Variants in ARHGEF28 observed in about 807,000 individuals in gnomAD.
ARHGEF28 encodes the protein Rho guanine nucleotide exchange factor 28.
A neutral mutation model predicts 206.6 loss-of-function variants in ARHGEF28; 152 were observed. That is an observed-to-expected ratio of 0.74 (90% CI 0.64 to 0.84). The LOEUF is 0.84. ARHGEF28 is among the 40% of genes least tolerant of loss of function. The pLI is 0.00. For synonymous variants in ARHGEF28, 763 were observed against 776.4 expected, an observed-to-expected ratio of 0.98 and a Z score of 0.29; for missense variants, 2,028 against 2,073.2, an observed-to-expected ratio of 0.98 and a Z score of 0.42.
intron 4 of ARHGEF28, among the ~76,000 whole-genome samples, chr5:73,757,541 T>C (rs1484882174): frequency 1.3e-5 from 2 of 152,178 alleles, no homozygotes; most frequent in East Asian, 3.8e-4. Context: ...CATTGAGAGT[T>C]ATTAGGAAGG....
intron 33 of ARHGEF28, chr5:73,908,538 G>A (rs1025342151): frequency 6.6e-6 from 1 of 152,050 alleles, no homozygotes; most frequent in South Asian, 2.1e-4. Flanking sequence ...AGCTTCCAAG[G>A]GCATTCACAG....
At chr5:73,769,336 G>A (rs1303415534) in intron 4 of ARHGEF28, among the ~76,000 whole-genome samples, 1 of 152,010 alleles carries the variant, frequency 6.6e-6, no homozygotes, top group East Asian at 1.9e-4. Flanking sequence ...TTCCTAACAG[G>A]TATTGTGCTG....
chr5:73,901,404 T>C, intron 31 of ARHGEF28, 120 bp downstream of exon 31: 1 of 708,166 alleles, frequency 1.4e-6, no homozygotes, highest in Admixed American at 2.8e-5. Context: ...TTGTTCTCAA[T>C]TGATTTAAAT....
intron 4 of ARHGEF28, among the ~76,000 whole-genome samples, chr5:73,761,459 G>A (rs1166408052): frequency 2.6e-5 from 4 of 152,144 alleles, no homozygotes; most frequent in African/African-American, 9.7e-5. Context: ...GGGGAGGAGA[G>A]TGAGGCAGGG....
intron 35 of ARHGEF28, among the ~76,000 whole-genome samples, chr5:73,936,656 C>T (rs1035680764): frequency 4.6e-5 from 7 of 152,208 alleles, no homozygotes; most frequent in African/African-American, 1.7e-4. Context: ...CCTGAGATTA[C>T]ATTTTACCTT....
chr5:73,888,540 A>G (rs911079437), intron 26 of ARHGEF28, among the ~76,000 whole-genome samples: 1 of 152,216 alleles, frequency 6.6e-6, no homozygotes, highest in African/African-American at 2.4e-5. Context: ...ACAGGAAACA[A>G]ATTCACATCT....
At chr5:73,720,972 T>C (rs1310575195) in intron 2 of ARHGEF28, among the ~76,000 whole-genome samples, 1 of 152,234 alleles carries the variant, frequency 6.6e-6, no homozygotes. Flanking sequence ...TCAAATTTCT[T>C]CATAGCAAAA....
At chr5:73,645,806 T>C (rs1224745236) in intron 1 of ARHGEF28, among the ~76,000 whole-genome samples, 2 of 152,174 alleles carry the variant, frequency 1.3e-5, no homozygotes, top group African/African-American at 4.8e-5. Flanking sequence ...CTGGAGAGTT[T>C]CAGCAGTGTC....
intron 2 of ARHGEF28, among the ~76,000 whole-genome samples, chr5:73,714,435 T>C (rs560757479): frequency 1.3e-5 from 2 of 152,280 alleles, no homozygotes; most frequent in East Asian, 3.9e-4. Context: ...CACTAAAGAA[T>C]ATCACCGGGT....
chr5:73,850,583 G>C (rs1361264100), intron 13 of ARHGEF28, among the ~76,000 whole-genome samples: 1 of 152,070 alleles, frequency 6.6e-6, no homozygotes, highest in African/African-American at 2.4e-5. Flanking sequence ...TAAGTTTTCT[G>C]TGCTTCAAAT....
intron 4 of ARHGEF28, among the ~76,000 whole-genome samples, chr5:73,766,819 A>G (rs1234227854): frequency 6.6e-6 from 1 of 152,254 alleles, no homozygotes; most frequent in African/African-American, 2.4e-5. Context: ...AGAAACTAAT[A>G]TCTCATAGCA....
intron 14 of ARHGEF28, among the ~76,000 whole-genome samples, chr5:73,854,138 C>T (rs1010479910): frequency 6.6e-6 from 1 of 152,082 alleles, no homozygotes; most frequent in Non-Finnish European, 1.5e-5. Flanking sequence ...GTGGATCTTT[C>T]ATCTCACCCA....
chr5:73,731,002 C>T (rs1174722043), intron 2 of ARHGEF28, among the ~76,000 whole-genome samples: 1 of 135,904 alleles, frequency 7.4e-6, no homozygotes, highest in Non-Finnish European at 1.5e-5. Flanking sequence ...TTCTTCTCTG[C>T]CTTTAAGCTA....
At position 73,894,556 on chromosome 5, in the gene ARHGEF28, G is replaced by A. The variant is rs1409706635; in HGVS notation, c.3822G>A (p.Leu1274=). The A allele has an allele frequency of 1.2e-6, 2 of 1,613,706 alleles. No homozygotes were observed. Among genetic ancestry groups the A allele is most frequent in the East Asian group, 2.2e-5 (1 of 44,864 alleles). ...PGEPPQAASL[L]AAALKEAESL... ...AGCCTCCCCAGGCAGCCTCATTACT[G>A]GCAGCAGCACTGAAAGAAGGTAAAC... is the stretch of plus-strand genomic sequence containing the variant. Residue 1274 remains leucine, a synonymous_variant, in exon 29 of 36, where the codon CTG becomes CTA. Transcript: ENST00000513042.
At chr5:73,830,051 A>G (rs1269138831) in intron 9 of ARHGEF28, among the ~76,000 whole-genome samples, 2 of 152,162 alleles carry the variant, frequency 1.3e-5, no homozygotes, top group Non-Finnish European at 2.9e-5. Flanking sequence ...TATGACTCCC[A>G]TAGGAGACAC....
At chr5:73,647,829 A>G (rs1017289666) in intron 1 of ARHGEF28, among the ~76,000 whole-genome samples, 1 of 152,226 alleles carries the variant, frequency 6.6e-6, no homozygotes, top group Non-Finnish European at 1.5e-5. Flanking sequence ...ACCTGTCCCA[A>G]TTTGATCCTA....
chr5:73,749,849 A>T lies in ARHGEF28; in HGVS notation c.46A>T (p.Ile16Phe). The T allele has an allele frequency of 6.2e-7, 1 of 1,613,968 alleles. No homozygotes were observed. The highest frequency in any genetic ancestry group is 8.5e-7 in the Non-Finnish European group (1 of 1,179,874). The stretch of plus-strand genomic sequence containing the variant: ...ATTCCTTTTTCAGGGGCAGATGATG[A>T]TCTATGCGAAGTTTGACAAAAATGT... Reference protein sequence around the residue: ...SEAPLYGQMMIYAKFDKNVYL... With the variant: ...SEAPLYGQMMFYAKFDKNVYL... The change falls in exon 3 of 36, where the codon ATC becomes TTC. Residue 16 changes from isoleucine to phenylalanine, a missense_variant. Ile to Phe is a conservative substitution (Grantham distance 21, BLOSUM62 0). This residue lies in a region of ARHGEF28 where 1,002 missense variants were observed against 1,015.3 expected (regional missense o/e 0.99). Coordinates refer to ENST00000513042, the MANE Select transcript of ARHGEF28 (RefSeq NM_001177693.2).
chr5:73,855,533 A>G (rs1758969416), intron 14 of ARHGEF28, among the ~76,000 whole-genome samples: 1 of 152,102 alleles, frequency 6.6e-6, no homozygotes, highest in Non-Finnish European at 1.5e-5. Flanking sequence ...GGAGTTCCAG[A>G]CCAGCCTGGC....
chr5:73,783,401 C>T (rs891467761), intron 7 of ARHGEF28, among the ~76,000 whole-genome samples: 13 of 140,886 alleles, frequency 9.2e-5, no homozygotes, highest in Middle Eastern at 3.8e-3. Flanking sequence ...TGTGTGTGCG[C>T]GCTTCTGTAT....
Sources: allele counts gnomAD v4.1 joint callset (sites outside exome capture counted in the v4.1 genomes callset), GRCh38; gene constraint gnomAD v4.1.1; regional missense constraint gnomAD v4.1.1; transcripts MANE v1.5; gene names NCBI Gene and HGNC (gene_info 2026-07-23, HGNC 2026-07-21).